The following DDAH1 variants were observed in gnomAD, a reference collection of about 807,000 sequenced individuals.
The protein encoded by DDAH1 is dimethylarginine dimethylaminohydrolase 1.
A neutral mutation model predicts 28.8 loss-of-function variants in DDAH1; 19 were observed. That is an observed-to-expected ratio of 0.66 (90% CI 0.46 to 0.97). The LOEUF (loss-of-function observed/expected upper bound fraction) is 0.97, where lower values mean the gene tolerates loss of function less well. Ranked by LOEUF, DDAH1 falls within the 50% of genes least tolerant of loss-of-function variation. The probability of loss-of-function intolerance (pLI) is 0.00; values close to 1 mark genes in which losing one functional copy is unlikely to be tolerated. For missense variants in DDAH1, 326 were observed against 375.9 expected (o/e 0.87, Z 1.10); for synonymous variants, 153 against 154.4 (o/e 0.99, Z 0.07).
chr1:85,543,831 G>A (rs1489005928), intron 1 of DDAH1, among the ~76,000 whole-genome samples: 2 of 152,216 alleles, frequency 1.3e-5, no homozygotes, highest in South Asian at 2.1e-4. Context: ...GGAAAACAGC[G>A]GGCAAGCCAA....
chr1:85,400,437 C>T lies in DDAH1; in HGVS notation c.304-41590G>A, dbSNP rs149865890. 1.0e-3 allele frequency among the ~76,000 whole-genome samples: 153 copies of T among 151,992 alleles called. 1 individual carries two copies. The highest frequency in any genetic ancestry group is 3.4e-3 in the Middle Eastern group (1 of 294). On this transcript the variant is annotated intron_variant, in intron 1 of 5. Coordinates refer to ENST00000284031, the MANE Select transcript of DDAH1 (RefSeq NM_012137.4). ...CAAGCTGGTCTTGACTTCCTGATCTCGGGTGATCTGCCTACCTGGGCTTCC... is the reference window on the plus strand; with the variant it reads ...CAAGCTGGTCTTGACTTCCTGATCTTGGGTGATCTGCCTACCTGGGCTTCC...
At position 85,319,622 on chromosome 1, in the gene DDAH1, G is replaced by A. The variant is rs1228756495; in HGVS notation, c.*1830C>T. The A allele has an allele frequency of 2.0e-5, 3 of 152,256 alleles. No individual in the cohort carries two copies. The highest frequency in any genetic ancestry group is 6.8e-3 in the Middle Eastern group (2 of 294). The allele number at this position is 152,256 out of a possible 1,614,324, so 9.4% of individuals were successfully genotyped here. ...TAACTTGGGCATGTGGCTAACATTC[G>A]TTCTCTCTCTGGTAAAAAGATATTA... On this transcript the variant is annotated 3_prime_UTR_variant, in exon 6 of 6. Coordinates refer to ENST00000284031, the MANE Select transcript of DDAH1 (RefSeq NM_012137.4).
intron 1 of DDAH1, among the ~76,000 whole-genome samples, chr1:85,436,883 T>A (rs919707508): frequency 2.6e-5 from 4 of 152,188 alleles, no homozygotes; most frequent in African/African-American, 9.6e-5. Context: ...ACAGGTGTCA[T>A]GGGAGACACT....
intron 2 of DDAH1, among the ~76,000 whole-genome samples, chr1:85,352,266 G>A (rs1314891850): frequency 1.3e-5 from 2 of 152,124 alleles, no homozygotes; most frequent in Non-Finnish European, 2.9e-5. Flanking sequence ...CTGAGCAAGT[G>A]TGGGTGTGTG....
At chr1:85,524,376 A>T (rs1463782007) in intron 1 of DDAH1, among the ~76,000 whole-genome samples, 1 of 148,268 alleles carries the variant, frequency 6.7e-6, no homozygotes, top group African/African-American at 2.5e-5. Flanking sequence ...ATAGGACCTT[A>T]AAAAAAACAC....
At chr1:85,348,949 G>A (rs1457956003) in intron 4 of DDAH1, among the ~76,000 whole-genome samples, 1 of 152,152 alleles carries the variant, frequency 6.6e-6, no homozygotes, top group African/African-American at 2.4e-5. Flanking sequence ...ACACACAAAT[G>A]CATGGTATAG....
intron 1 of DDAH1, among the ~76,000 whole-genome samples, chr1:85,360,093 A>G (rs778078769): frequency 3.9e-5 from 6 of 152,264 alleles, no homozygotes; most frequent in Non-Finnish European, 5.9e-5. Context: ...CTGAGTACAC[A>G]GTGTGAATTG....
chr1:85,446,031 T>C (rs1424241778), intron 1 of DDAH1, among the ~76,000 whole-genome samples: 1 of 152,214 alleles, frequency 6.6e-6, no homozygotes, highest in African/African-American at 2.4e-5. Context: ...GCCAGACACT[T>C]ATTTTCTGGT....
intron 1 of DDAH1, among the ~76,000 whole-genome samples, chr1:85,550,835 A>G (rs1302571389): frequency 2.0e-5 from 3 of 152,196 alleles, no homozygotes; most frequent in Admixed American, 1.3e-4. Context: ...CGTGTCATCT[A>G]TCTGCTCTAG....
At chr1:85,370,820 G>A (rs181763720) in intron 1 of DDAH1, among the ~76,000 whole-genome samples, 6 of 152,226 alleles carry the variant, frequency 3.9e-5, no homozygotes, top group Admixed American at 3.9e-4. Flanking sequence ...GAGGAGCAAG[G>A]CTGGAGAGAA....
At chr1:85,573,172 C>G (rs987103617) in intron 1 of DDAH1, among the ~76,000 whole-genome samples, 1 of 152,178 alleles carries the variant, frequency 6.6e-6, no homozygotes, top group African/African-American at 2.4e-5. Flanking sequence ...TGCTTGAATA[C>G]TCCCTTACAC....
chr1:85,459,808 T>C (rs1655051458), intron 1 of DDAH1, among the ~76,000 whole-genome samples: 1 of 152,248 alleles, frequency 6.6e-6, no homozygotes, highest in African/African-American at 2.4e-5. Flanking sequence ...TTGTTATTTT[T>C]AAACTAAAGT....
rs1252708801 is a variant in DDAH1 at position 85,464,848 on chromosome 1, C to T, written c.198G>A (p.Pro66=). The T allele has an allele frequency of 6.3e-7, 1 of 1,587,520 alleles. No individual in the cohort carries two copies. The highest frequency in any genetic ancestry group is 1.1e-5 in the South Asian group (1 of 88,856). Residue 66 remains proline, a synonymous_variant, in exon 1 of 6, where the codon CCG becomes CCA. Coordinates refer to ENST00000284031, the MANE Select transcript of DDAH1 (RefSeq NM_012137.4). The surrounding 1 kb of genome is among the most constrained non-coding windows in gnomAD (Gnocchi z 4.4). ...SKLGLQVVEL[P]ADESLPDCVF... ...CGCAGTCCGGAAGGCTCTCGTCGGC[C>T]GGCAGCTCCACCACCTGCAGCCCCA... is the stretch of plus-strand genomic sequence containing the variant.
chr1:85,386,359 C>T (rs572387868), intron 1 of DDAH1, among the ~76,000 whole-genome samples: 21 of 152,278 alleles, frequency 1.4e-4, no homozygotes, highest in African/African-American at 3.1e-4. Flanking sequence ...GTTAACAGTC[C>T]GATTCCAAAA....
At chr1:85,392,877 A>C (rs1651626768) in intron 1 of DDAH1, among the ~76,000 whole-genome samples, 1 of 152,028 alleles carries the variant, frequency 6.6e-6, no homozygotes, top group African/African-American at 2.4e-5. Flanking sequence ...GAGGTGGGTC[A>C]ACTACGATGC....
intron 1 of DDAH1, among the ~76,000 whole-genome samples, chr1:85,569,734 C>T (rs1467850575): frequency 6.6e-6 from 1 of 152,208 alleles, no homozygotes; most frequent in African/African-American, 2.4e-5. Flanking sequence ...GACTTCTCCT[C>T]TATTCAAAAT....
intron 4 of DDAH1, among the ~76,000 whole-genome samples, chr1:85,339,552 G>T (rs1188198800): frequency 2.0e-5 from 3 of 152,188 alleles, no homozygotes; most frequent in Non-Finnish European, 4.4e-5. Context: ...GCAGGGCAAT[G>T]GTAGTGGGAT....
chr1:85,326,708 C>T (rs907541519), intron 4 of DDAH1, among the ~76,000 whole-genome samples: 2 of 152,178 alleles, frequency 1.3e-5, no homozygotes, highest in African/African-American at 4.8e-5. Flanking sequence ...GACCTGCTAC[C>T]GTCTGGTATA....
chr1:85,395,672 CA>C (rs71075833), intron 1 of DDAH1, among the ~76,000 whole-genome samples: 110,315 of 139,432 alleles, frequency 0.79, 43,240 homozygotes, highest in Middle Eastern at 0.89. Context: ...GACTCCATCT[CA>C]AAAAAAAAAA....
Sources: gnomAD v4.1 joint callset for allele counts (sites outside exome capture counted in the v4.1 genomes callset) on GRCh38, gnomAD v4.1.1 for gene constraint, Gnocchi (gnomAD v3.1) non-coding constraint, MANE v1.5 for transcripts, NCBI Gene and HGNC (gene_info 2026-07-23, HGNC 2026-07-21) for gene names.